The following EGFL6 variants were observed in gnomAD, a reference collection of about 807,000 sequenced individuals.
The protein encoded by EGFL6 is EGF like domain multiple 6.
A neutral mutation model predicts 43.1 loss-of-function variants in EGFL6; 42 were observed. The observed-to-expected ratio is 0.98, with a 90% confidence interval of 0.76 to 1.26. EGFL6 has a LOEUF of 1.26. Ranked by LOEUF, EGFL6 falls within the 50% of genes most tolerant of loss-of-function variation. The pLI, the probability that EGFL6 is intolerant of heterozygous loss-of-function variation, is 0.00. For missense variants in EGFL6, 429 were observed against 427.8 expected (o/e 1.00, Z -0.02); for synonymous variants, 164 against 163.2 (o/e 1.01, Z -0.04).
intron 9 of EGFL6, among the ~76,000 whole-genome samples, chrX:13,623,575 T>C (rs1420261816): frequency 9.3e-6 from 1 of 107,216 alleles, no homozygotes; most frequent in African/African-American, 3.4e-5. Context: ...AGTTTCACCA[T>C]GTTGGCCAGG....
chrX:13,589,365 A>G lies in EGFL6; in HGVS notation c.75-191A>G, dbSNP rs189587283. Among the ~76,000 whole-genome samples the G allele has an allele frequency of 2.7e-5, 3 of 112,292 alleles. No homozygotes were observed. In the Admixed American group the frequency reaches 2.8e-4, roughly 11 times the overall value. On this transcript the variant is annotated intron_variant, in intron 1 of 11. Transcript: ENST00000361306. ...TCTTTTAACCGTGGGGAAGAAGGAA[A>G]TGGTTGAAACTAATTATTGAGGAAG...
intron 7 of EGFL6, among the ~76,000 whole-genome samples, chrX:13,611,444 G>C (rs929593237): frequency 3.5e-4 from 39 of 111,698 alleles, no homozygotes; most frequent in African/African-American, 1.3e-3. Flanking sequence ...TCAATAAGTG[G>C]GCAACTCACC....
At position 13,627,041 on chromosome X, in the gene EGFL6, T is replaced by C. The variant is rs867609590; in HGVS notation, c.1316T>C (p.Leu439Ser). Residue 439 changes from leucine to serine, a missense_variant, in exon 11 of 12, where the codon TTG (leucine) becomes TCG (serine). Physicochemically the swap from Leu to Ser is moderately radical, Grantham distance 145 (BLOSUM62 -2). Transcript: ENST00000361306. ...GGCTTCTATATGGCAGTTCCGGCCT[T>C]GGCAGGTCACAAGAAAGACATTGGC... ...AIGFYMAVPA[L>S]AGHKKDIGRL... 1.6e-6 allele frequency: 2 copies of C among 1,212,429 alleles called. No individual in the cohort carries two copies. Among genetic ancestry groups the C allele is most frequent in the African/African-American group, 1.7e-5 (1 of 58,020 alleles).
intron 1 of EGFL6, among the ~76,000 whole-genome samples, chrX:13,581,333 C>A (rs142669392): frequency 1.8e-5 from 2 of 111,672 alleles, no homozygotes; most frequent in East Asian, 5.6e-4. Context: ...CTTGGGGTAT[C>A]CCTGGACCCG....
chrX:13,622,680 T>C (rs945980439), intron 9 of EGFL6, among the ~76,000 whole-genome samples: 1 of 112,360 alleles, frequency 8.9e-6, no homozygotes, highest in African/African-American at 3.2e-5. Context: ...GGCCATAAAC[T>C]ACTTTCACAA....
chrX:13,599,018 A>T (rs902856165), intron 3 of EGFL6, among the ~76,000 whole-genome samples: 1 of 107,216 alleles, frequency 9.3e-6, no homozygotes, highest in Non-Finnish European at 1.9e-5. Context: ...AGGATTAAAT[A>T]TTGTCCTCCA....
At chrX:13,609,571 G>A (rs2045678639) in intron 7 of EGFL6, among the ~76,000 whole-genome samples, 9 of 110,559 alleles carry the variant, frequency 8.1e-5, no homozygotes, top group Admixed American at 5.8e-4. Context: ...GGCCAACATC[G>A]TGAAACCCTG....
intron 6 of EGFL6, 84 bp downstream of exon 6, chrX:13,606,597 C>A: frequency 9.5e-7 from 1 of 1,053,863 alleles, no homozygotes; most frequent in Non-Finnish European, 1.3e-6. Context: ...GATGTCAATT[C>A]AAGCTATTAG....
At chrX:13,571,765 A>G (rs1374017997) in intron 1 of EGFL6, among the ~76,000 whole-genome samples, 5 of 112,214 alleles carry the variant, frequency 4.5e-5, no homozygotes, top group Non-Finnish European at 9.4e-5. Context: ...TATTTGCTCA[A>G]TGTGCTTGGA....
rs2045428854 is a variant in EGFL6, at chrX:13,569,765, G to T, written c.-97G>T. The T allele has an allele frequency of 5.8e-6, 5 of 856,718 alleles. No homozygotes were observed. The East Asian group carries it at 9.5e-5, about 16-fold the overall frequency. The allele number at this position is 856,718 out of a possible 1,213,427, so 70.6% of individuals were successfully genotyped here. On this transcript the variant is annotated 5_prime_UTR_variant, in exon 1 of 12. Coordinates refer to ENST00000361306, the MANE Select transcript of EGFL6 (RefSeq NM_015507.4). ...TGCGAGTGGAGCGGAGGACCCGAGC[G>T]GCTGAGGAGAGAGGAGGCGGCGGCT...
intron 1 of EGFL6, among the ~76,000 whole-genome samples, chrX:13,570,547 A>G (rs1427895432): frequency 9.0e-6 from 1 of 111,363 alleles, no homozygotes; most frequent in Non-Finnish European, 1.9e-5. Context: ...GGCAATGCAG[A>G]CTCTGAAGCC....
chrX:13,627,137 C>A lies in EGFL6; in HGVS notation c.1412C>A (p.Ala471Asp). ...TGTTTGCTCTTTGATTACCGGCTGG[C>A]CGGAGACAAAGTCGGGAAACTTCGA... Reference protein sequence around the residue: ...NFCLLFDYRLAGDKVGKLRVF... With the variant: ...NFCLLFDYRLDGDKVGKLRVF... The change falls in exon 11 of 12, where the codon GCC becomes GAC. Residue 471 changes from alanine (A) to aspartate (D), a missense_variant. By Grantham distance (126) the Ala-to-Asp change is moderately radical. Transcript: ENST00000361306. 18 of 1,211,985 alleles carry A rather than the reference C, an allele frequency of 1.5e-5. No homozygotes were observed. The highest frequency in any genetic ancestry group is 2.0e-5 in the Non-Finnish European group (18 of 895,609).
intron 7 of EGFL6, among the ~76,000 whole-genome samples, chrX:13,609,520 G>A (rs1453491454): frequency 9.0e-6 from 1 of 111,365 alleles, no homozygotes; most frequent in African/African-American, 3.3e-5. Context: ...GGGAGGCCCA[G>A]GTGGGCAGAT....
At chrX:13,599,608 A>G (rs900902921) in intron 3 of EGFL6, among the ~76,000 whole-genome samples, 4 of 107,099 alleles carry the variant, frequency 3.7e-5, no homozygotes, top group African/African-American at 1.4e-4. Flanking sequence ...AGGTGTTTGG[A>G]TTACTTCTAG....
At chrX:13,586,211 G>T (rs901634226) in intron 1 of EGFL6, among the ~76,000 whole-genome samples, 21 of 111,636 alleles carry the variant, frequency 1.9e-4, no homozygotes, top group Non-Finnish European at 3.4e-4. Context: ...CAAGCATTAG[G>T]ATGTCTAGAG....
chrX:13,632,032 C>T (rs1217031001), intron 11 of EGFL6, among the ~76,000 whole-genome samples: 3 of 110,557 alleles, frequency 2.7e-5, no homozygotes, highest in Non-Finnish European at 5.7e-5. Flanking sequence ...GTTTGTTTCT[C>T]TTTTGATTAC....
rs758526462 is a variant in EGFL6 at position 13,606,382 on chromosome X, T to C, written c.524T>C (p.Ile175Thr). ...CCTTCTGGTTTTTACACCCTAGATATTGATGAATGTGCCTCTGGTAAAGTC... is the reference window on the plus strand; with the variant it reads ...CCTTCTGGTTTTTACACCCTAGATACTGATGAATGTGCCTCTGGTAAAGTC... ...LAPNGRDCLDIDECASGKVIC... is the reference protein window; with the variant it reads ...LAPNGRDCLDTDECASGKVIC... The change falls in exon 6 of 12, where the codon ATT (isoleucine) becomes ACT (threonine). Residue 175 changes from isoleucine (I) to threonine (T), a missense_variant. Transcript: ENST00000361306. The C allele has an allele frequency of 4.1e-6, 5 of 1,210,858 alleles. No homozygotes were observed. Among genetic ancestry groups the C allele is most frequent in the East Asian group, 5.9e-5 (2 of 33,833 alleles).
rs1325378761 is a variant in EGFL6, at chrX:13,603,411, G to C, written c.495G>C (p.Leu165=). 4 of 1,209,694 alleles carry C rather than the reference G, an allele frequency of 3.3e-6. No homozygotes were observed. The Middle Eastern group carries it at 6.9e-4, about 209-fold the overall frequency. The change falls in exon 5 of 12, where the codon CTG becomes CTC. Residue 165 remains leucine (L), a synonymous_variant. Transcript: ENST00000361306. ...QCLCPSSGLR[L]APNGRDCLDI... is the part of the protein sequence containing the mutation. ...TGTGTCCATCCTCAGGACTCCGCCT[G>C]GCCCCAAATGGAAGAGACTGTCTAG...
chrX:13,616,611 A>G (rs1266910423), intron 7 of EGFL6, among the ~76,000 whole-genome samples: 135 of 101,430 alleles, frequency 1.3e-3, no homozygotes, highest in Non-Finnish European at 2.4e-3. Context: ...ACTCTGTCTC[A>G]AAAAAAAAAA....
Sources: allele counts gnomAD v4.1 joint callset (sites outside exome capture counted in the v4.1 genomes callset), GRCh38; gene constraint gnomAD v4.1.1; transcripts MANE v1.5; gene names NCBI Gene and HGNC (gene_info 2026-07-23, HGNC 2026-07-21).